CDH17: variants seen among roughly 807,000 people sequenced by gnomAD.
The protein encoded by CDH17 is cadherin-17.
CDH17 carries 67 observed loss-of-function variants against 86.3 expected under a neutral mutation model. The ratio of observed to expected loss-of-function variants is 0.78; its 90% CI spans 0.64 to 0.95. The LOEUF is 0.95. Among genes scored for constraint, CDH17 ranks in the 40% least tolerant of loss-of-function variants. The probability of loss-of-function intolerance (pLI) is 0.00; values close to 1 mark genes in which losing one functional copy is unlikely to be tolerated. For missense variants in CDH17, 993 were observed against 1,017.6 expected (o/e 0.98, Z 0.33); for synonymous variants, 367 against 366.4 (o/e 1.00, Z -0.02).
rs745691520 is a variant in CDH17 at position 94,159,929 on chromosome 8, CACAA to C, written c.1551+38_1551+41del. Reference sequence around the variant, plus strand: ...TCACACTGTCATTAGTAAATTAACCCACAAACAAAGACAAATTCTATTAAATAAA... The same window carrying C: ...TCACACTGTCATTAGTAAATTAACCCACAAAGACAAATTCTATTAAATAAA... On this transcript the variant is annotated intron_variant, in intron 12 of 17. Transcript: ENST00000027335. 4.0e-6 allele frequency: 6 copies of C among 1,506,004 alleles called. No homozygotes were observed. In the South Asian group the frequency reaches 5.1e-5, roughly 13 times the overall value. 93.3% of individuals were successfully genotyped at this position (1,506,004 alleles called of 1,614,324 possible). A position where few individuals can be genotyped will look rare whatever the true frequency, so the allele number is the denominator to read the frequency against.
At chr8:94,197,065 G>A (rs1425852493) in intron 1 of CDH17, among the ~76,000 whole-genome samples, 1 of 152,088 alleles carries the variant, frequency 6.6e-6, no homozygotes, top group South Asian at 2.1e-4. Context: ...AGACCCACTC[G>A]GGCACCCCCC....
chr8:94,161,125 G>A (rs1813043109), intron 11 of CDH17, among the ~76,000 whole-genome samples: 1 of 152,172 alleles, frequency 6.6e-6, no homozygotes, highest in African/African-American at 2.4e-5. Flanking sequence ...CTCAAGTGCA[G>A]GATTCTTACC....
chr8:94,130,586 G>C (rs138634549), intron 17 of CDH17, 40 bp downstream of exon 17: 1 of 1,369,944 alleles, frequency 7.3e-7, no homozygotes, highest in East Asian at 2.4e-5. Flanking sequence ...CATTTCTGAG[G>C]CCCAGGATAA....
At chr8:94,136,671 C>T (rs1812534627) in intron 15 of CDH17, among the ~76,000 whole-genome samples, 1 of 152,210 alleles carries the variant, frequency 6.6e-6, no homozygotes, top group Non-Finnish European at 1.5e-5. Context: ...CTCCATCCAG[C>T]TTTGTTCCGT....
In CDH17 at chr8:94,174,225, C is replaced by A; in HGVS notation, c.460G>T (p.Asp154Tyr). The A allele has an allele frequency of 6.2e-7, 1 of 1,613,326 alleles. No homozygotes were observed. Among genetic ancestry groups the A allele is most frequent in the Non-Finnish European group, 8.5e-7 (1 of 1,179,768 alleles). ...PFLYVNATDLDDPATPNGQLY... is the reference protein window; with the variant it reads ...PFLYVNATDLYDPATPNGQLY... ...TGGCCATTGGGAGTGGCCGGATCAT[C>A]CAGGTCTGTGGCATTGACATACAAG... The change falls in exon 6 of 18, where the codon GAT (aspartate) becomes TAT (tyrosine). Residue 154 changes from aspartate to tyrosine, a missense_variant. Transcript: ENST00000027335.
chr8:94,147,527 T>C (rs1239744679), intron 14 of CDH17, among the ~76,000 whole-genome samples: 1 of 152,208 alleles, frequency 6.6e-6, no homozygotes, highest in African/African-American at 2.4e-5. Flanking sequence ...AACATATTTA[T>C]TGAGTAATTT....
In CDH17 at chr8:94,160,019, C is replaced by T. The variant is rs561736032; in HGVS notation, c.1503G>A (p.Gly501=). The T allele has an allele frequency of 6.5e-5, 105 of 1,613,460 alleles. No individual in the cohort carries two copies. The highest frequency in any genetic ancestry group is 1.0e-4 in the Admixed American group (6 of 59,962). Residue 501 remains glycine, a synonymous_variant, in exon 12 of 18, where the codon GGG becomes GGA. Transcript: ENST00000027335. The stretch of plus-strand genomic sequence containing the variant: ...TGTTGGTATGGGGATCTGTGTCAAC[C>T]CCCAGGCGTCCCTCACTGTCTCCCT... ...IIKGDSEGRL[G]VDTDPHTNTG... is the part of the protein sequence containing the mutation.
intron 12 of CDH17, among the ~76,000 whole-genome samples, chr8:94,152,723 G>A (rs1053887295): frequency 1.3e-5 from 2 of 152,170 alleles, no homozygotes; most frequent in Non-Finnish European, 2.9e-5. Flanking sequence ...CTGACTCTCA[G>A]TTCTAGAGGC....
chr8:94,186,501 C>T (rs1813583277), intron 3 of CDH17, among the ~76,000 whole-genome samples: 1 of 152,138 alleles, frequency 6.6e-6, no homozygotes, highest in Non-Finnish European at 1.5e-5. Flanking sequence ...AACAGGCACC[C>T]CCAAGCGTCT....
At chr8:94,133,225 A>G (rs1409591050) in intron 15 of CDH17, among the ~76,000 whole-genome samples, 1 of 152,074 alleles carries the variant, frequency 6.6e-6, no homozygotes, top group Non-Finnish European at 1.5e-5. Context: ...CTTGAAGGGG[A>G]TGGCATTGAA....
intron 3 of CDH17, among the ~76,000 whole-genome samples, chr8:94,184,071 T>C (rs1435881065): frequency 6.7e-6 from 1 of 149,726 alleles, no homozygotes; most frequent in African/African-American, 2.5e-5. Context: ...TAATAACAAG[T>C]GCTAAGGATA....
chr8:94,137,667 G>A (rs575994089), intron 15 of CDH17, among the ~76,000 whole-genome samples: 5 of 151,326 alleles, frequency 3.3e-5, no homozygotes, highest in Admixed American at 1.3e-4. Context: ...GCACAGAAAC[G>A]TGAAAAACAG....
chr8:94,170,938 C>T lies in CDH17; in HGVS notation c.831G>A (p.Glu277=), dbSNP rs1269607822. The change falls in exon 8 of 18, where the codon GAG becomes GAA. Residue 277 remains glutamate, a synonymous_variant. Coordinates refer to ENST00000027335, the MANE Select transcript of CDH17 (RefSeq NM_004063.4). Reference sequence around the variant, plus strand: ...TTGAAAATGGGAATCTTGGCAGCTTCTCTTTGTCAACTAAGGAATATTGTG... The same window carrying T: ...TTGAAAATGGGAATCTTGGCAGCTTTTCTTTGTCAACTAAGGAATATTGTG... ...PGAQYSLVDK[E]KLPRFPFSID... is the part of the protein sequence containing the mutation. The T allele has an allele frequency of 6.2e-7, 1 of 1,613,858 alleles. No individual in the cohort carries two copies. The highest frequency in any genetic ancestry group is 8.5e-7 in the Non-Finnish European group (1 of 1,179,842).
At chr8:94,129,181 TA>T (rs3834370) in intron 17 of CDH17, among the ~76,000 whole-genome samples, 5,752 of 152,238 alleles carry the variant, frequency 0.038, 350 homozygotes, top group East Asian at 0.24. Context: ...ATTAAATTGA[TA>T]CGTTAAGAAA....
At chr8:94,171,090 A>G in intron 7 of CDH17, 105 bp from the exon 8 acceptor site, 1 of 1,208,894 alleles carries the variant, frequency 8.3e-7, no homozygotes, top group African/African-American at 1.5e-5. Context: ...ACAACCTTGT[A>G]TGTTTGTGGT....
chr8:94,160,129 T>C lies in CDH17; in HGVS notation c.1393A>G (p.Ile465Val), dbSNP rs764863610. ...TGGATGGTTAAGATGGTGGACCCAA[T>C]GTTTGTGTCTTCAGCAAGAGTCAGG... The part of the protein sequence containing the change: ...GNLTLAEDTN[I>V]GSTILTIQAT... The change falls in exon 12 of 18, where the codon ATT becomes GTT. Residue 465 changes from isoleucine to valine, a missense_variant. Ile to Val is a conservative substitution (Grantham distance 29). Coordinates refer to ENST00000027335, the MANE Select transcript of CDH17 (RefSeq NM_004063.4). The C allele has an allele frequency of 9.9e-6, 16 of 1,613,188 alleles. No individual in the cohort carries two copies. The highest frequency in any genetic ancestry group is 1.3e-5 in the Non-Finnish European group (15 of 1,179,614).
At chr8:94,139,798 G>A (rs752717435) in intron 15 of CDH17, among the ~76,000 whole-genome samples, 3 of 152,164 alleles carry the variant, frequency 2.0e-5, no homozygotes, top group South Asian at 2.1e-4. Flanking sequence ...AGCTACTAGG[G>A]AGACTGAGGC....
upstream of CDH17, among the ~76,000 whole-genome samples, chr8:94,213,146 TA>T: frequency 6.6e-6 from 1 of 152,182 alleles, no homozygotes; most frequent in East Asian, 1.9e-4. Context: ...CAGCTAATTT[TA>T]AAATTTTTTG....
At chr8:94,211,304 CTTTT>C (rs1454502678), upstream of CDH17, among the ~76,000 whole-genome samples, 1 of 151,848 alleles carries the variant, frequency 6.6e-6, no homozygotes, top group African/African-American at 2.4e-5. Flanking sequence ...TATTTATATT[CTTTT>C]TTATTTTATT....
Sources: allele counts gnomAD v4.1 joint callset (sites outside exome capture counted in the v4.1 genomes callset), GRCh38; gene constraint gnomAD v4.1.1; transcripts MANE v1.5; gene names NCBI Gene and HGNC (gene_info 2026-07-23, HGNC 2026-07-21).